MCM9: variants seen among roughly 807,000 people sequenced by gnomAD.
MCM9 encodes the protein minichromosome maintenance 9 homologous recombination repair factor.
In MCM9, 55 loss-of-function variants were observed where a neutral mutation model predicts 72.8. That is an observed-to-expected ratio of 0.76 (90% CI 0.61 to 0.95). MCM9 has a LOEUF of 0.95. Among genes scored for constraint, MCM9 ranks in the 40% least tolerant of loss-of-function variants. The pLI is 0.00. For missense variants in MCM9, 1,279 were observed against 1,377.0 expected (o/e 0.93, Z 1.13); for synonymous variants, 480 against 503.4 (o/e 0.95, Z 0.62).
Position 118,816,070 on chromosome 6 carries a change from T to C in MCM9, c.2186A>G (p.Lys729Arg). 1 of 1,550,202 alleles carries C rather than the reference T, an allele frequency of 6.5e-7. No homozygotes were observed. Among genetic ancestry groups the C allele is most frequent in the South Asian group, 1.2e-5 (1 of 84,034 alleles). ...GTTATTTTTGTGCTGAGCTGAATGT[T>C]TCCTACTTGTTGATCTATTAGGCTC... ...HLEPNRSTSR[K>R]HSAQHKNNRD... Residue 729 changes from lysine (K) to arginine (R), a missense_variant, in exon 14 of 14, where the codon AAA (lysine) becomes AGA (arginine). Coordinates refer to ENST00000619706, the MANE Select transcript of MCM9 (RefSeq NM_017696.3).
chr6:118,927,776 T>C (rs1782020146), intron 3 of MCM9, among the ~76,000 whole-genome samples: 1 of 152,204 alleles, frequency 6.6e-6, no homozygotes, highest in Non-Finnish European at 1.5e-5. Flanking sequence ...AATTGTAGTT[T>C]TATTCCTAGA....
intron 13 of MCM9, among the ~76,000 whole-genome samples, chr6:118,823,264 G>A (rs776077821): frequency 2.0e-5 from 3 of 152,162 alleles, no homozygotes; most frequent in African/African-American, 4.8e-5. Context: ...CTTCTGATCC[G>A]TGGATTGCAA....
chr6:118,877,112 G>C (rs2114360421), intron 8 of MCM9, among the ~76,000 whole-genome samples: 1 of 152,326 alleles, frequency 6.6e-6, no homozygotes, highest in Non-Finnish European at 1.5e-5. Context: ...TGTGTGGACA[G>C]AAAGTGAGGA....
chr6:118,868,510 C>T (rs1296461908), intron 8 of MCM9, among the ~76,000 whole-genome samples: 1 of 151,910 alleles, frequency 6.6e-6, no homozygotes, highest in African/African-American at 2.4e-5. Flanking sequence ...AAAATTTTTG[C>T]AATCTACCCA....
At chr6:118,899,037 C>T (rs1779625077) in intron 8 of MCM9, among the ~76,000 whole-genome samples, 1 of 152,150 alleles carries the variant, frequency 6.6e-6, no homozygotes, top group Admixed American at 6.5e-5. Flanking sequence ...ACATCACCTC[C>T]CTGCAAAAGT....
At chr6:118,912,915 T>C (rs1020321514) in intron 7 of MCM9, 1 of 164,838 alleles carries the variant, frequency 6.1e-6, no homozygotes, top group Non-Finnish European at 1.3e-5. Context: ...AGAAACACAG[T>C]GACAGCCACA....
intron 8 of MCM9, among the ~76,000 whole-genome samples, chr6:118,910,325 GC>G (rs1433815964): frequency 6.6e-6 from 1 of 151,968 alleles, no homozygotes; most frequent in East Asian, 1.9e-4. Flanking sequence ...GGCTAGCGTG[GC>G]CCTTTGGGTA....
intron 13 of MCM9, among the ~76,000 whole-genome samples, chr6:118,821,493 G>A (rs1773807050): frequency 6.6e-6 from 1 of 152,214 alleles, no homozygotes; most frequent in Admixed American, 6.5e-5. Flanking sequence ...GAGATCTGCG[G>A]TTAGTCTGAT....
At chr6:118,876,893 A>T (rs1777962514) in intron 8 of MCM9, among the ~76,000 whole-genome samples, 2 of 152,242 alleles carry the variant, frequency 1.3e-5, no homozygotes. Context: ...TAAGCACATG[A>T]AAATATGTTC....
chr6:118,840,744 T>C (rs866020535), intron 9 of MCM9, among the ~76,000 whole-genome samples: 413 of 14,114 alleles, frequency 0.029, 1 homozygote, highest in Middle Eastern at 0.11. Flanking sequence ...CCCCCCCCCT[T>C]TTTTTTTTTT....
At position 118,931,506 on chromosome 6, in the gene MCM9, A is replaced by G. The variant is rs1269656591; in HGVS notation, c.218T>C (p.Leu73Pro). 6.2e-7 allele frequency: 1 copy of G among 1,614,084 alleles called. No individual in the cohort carries two copies. The highest frequency in any genetic ancestry group is 8.5e-7 in the Non-Finnish European group (1 of 1,180,046). Residue 73 changes from leucine (L) to proline (P), a missense_variant, in exon 3 of 14, where the codon CTG becomes CCG. By Grantham distance (98) the Leu-to-Pro change is moderately conservative. Coordinates refer to ENST00000619706, the MANE Select transcript of MCM9 (RefSeq NM_017696.3). Reference protein sequence around the residue: ...SEVLTIFDSALRRSALTILQS... With the variant: ...SEVLTIFDSAPRRSALTILQS... ...GAGAATTGTCAAGGCTGACCTTCGC[A>G]GTGCACTATCAAAAATTGTAAGCAC...
intron 6 of MCM9, among the ~76,000 whole-genome samples, chr6:118,916,868 T>C (rs189040274): frequency 5.3e-5 from 8 of 152,216 alleles, no homozygotes; most frequent in African/African-American, 1.9e-4. Context: ...AAGTAATCAA[T>C]ATCTCTTAGA....
chr6:118,859,169 T>A (rs141941870), intron 8 of MCM9, among the ~76,000 whole-genome samples: 1 of 152,150 alleles, frequency 6.6e-6, no homozygotes, highest in African/African-American at 2.4e-5. Flanking sequence ...GAAAAGATAA[T>A]CTGTTCAACA....
intron 6 of MCM9, 94 bp from the exon 7 acceptor site, chr6:118,913,514 A>C: frequency 6.8e-7 from 1 of 1,474,888 alleles, no homozygotes; most frequent in Non-Finnish European, 9.3e-7. Context: ...TCCTCATTTA[A>C]ATATACTCTA....
At chr6:118,892,926 T>A (rs1357769815) in intron 8 of MCM9, among the ~76,000 whole-genome samples, 2 of 152,168 alleles carry the variant, frequency 1.3e-5, no homozygotes, top group Admixed American at 1.3e-4. Context: ...GTATGAACAA[T>A]GACCAAAGAA....
At position 118,924,038 on chromosome 6, in the gene MCM9, G is replaced by C. The variant is rs587777872; in HGVS notation, c.394C>G (p.Arg132Gly). The change falls in exon 4 of 14, where the codon CGA becomes GGA. Residue 132 changes from arginine to glycine, a missense_variant. By Grantham distance (125) the Arg-to-Gly change is moderately radical. Coordinates refer to ENST00000619706, the MANE Select transcript of MCM9 (RefSeq NM_017696.3). Reference sequence around the variant, plus strand: ...TCCAGAACCTTCACCAGACTTGTTCGAATCACTGTCCCAGTGACAGATAAA... The same window carrying C: ...TCCAGAACCTTCACCAGACTTGTTCCAATCACTGTCCCAGTGACAGATAAA... ...HFLSVTGTVI[R>G]TSLVKVLEFE... The C allele has an allele frequency of 1.3e-5, 21 of 1,614,132 alleles. No homozygotes were observed. Among genetic ancestry groups the C allele is most frequent in the Non-Finnish European group, 1.6e-5 (19 of 1,180,016 alleles).
At position 118,815,048 on chromosome 6, in the gene MCM9, T is replaced by C. The variant is rs1773322174; in HGVS notation, c.3208A>G (p.Lys1070Glu). ...CTTTCAGGAGGAGGGGATTTTGATT[T>C]GGATTCCGATGGGGGAGTAAAGCAG... The part of the protein sequence containing the change: ...NFCFTPPSES[K>E]SKSPPPERKN... Residue 1070 changes from lysine to glutamate, a missense_variant, in exon 14 of 14, where the codon AAA (lysine) becomes GAA (glutamate). Transcript: ENST00000619706. 3 of 1,550,348 alleles carry C rather than the reference T, an allele frequency of 1.9e-6. No homozygotes were observed. The highest frequency in any genetic ancestry group is 2.0e-5 in the Admixed American group (1 of 50,958).
chr6:118,884,020 T>C (rs1006724333), intron 8 of MCM9, among the ~76,000 whole-genome samples: 6 of 152,120 alleles, frequency 3.9e-5, no homozygotes, highest in African/African-American at 1.4e-4. Context: ...CTATAACATA[T>C]AGAAATGCAA....
At chr6:118,860,354 G>A (rs1776823677) in intron 8 of MCM9, among the ~76,000 whole-genome samples, 1 of 152,130 alleles carries the variant, frequency 6.6e-6, no homozygotes, top group Non-Finnish European at 1.5e-5. Flanking sequence ...TGCCTTTAAT[G>A]GGTTTATTAG....
Sources: gnomAD v4.1 joint callset for allele counts (sites outside exome capture counted in the v4.1 genomes callset) on GRCh38, gnomAD v4.1.1 for gene constraint, MANE v1.5 for transcripts, NCBI Gene and HGNC (gene_info 2026-07-23, HGNC 2026-07-21) for gene names.